NMRK1: variants seen among roughly 807,000 people sequenced by gnomAD.
NMRK1 encodes the protein nicotinamide riboside kinase 1.
In NMRK1, 28 loss-of-function variants were observed where a neutral mutation model predicts 29.9. That is an observed-to-expected ratio of 0.94 (90% confidence interval 0.69 to 1.28). The LOEUF is 1.28. Among genes scored for constraint, NMRK1 ranks in the 50% most tolerant of loss-of-function variants. NMRK1 has a pLI of 0.00. For missense variants in NMRK1, 218 were observed against 233.1 expected, an observed-to-expected ratio of 0.94 and a Z score of 0.42; for synonymous variants, 58 against 73.0, an observed-to-expected ratio of 0.79 and a Z score of 1.05.
At chr9:75,079,403 G>A (rs1283843961) in intron 2 of NMRK1, among the ~76,000 whole-genome samples, 1 of 152,222 alleles carries the variant, frequency 6.6e-6, no homozygotes, top group African/African-American at 2.4e-5. Flanking sequence ...GTGAACAGGG[G>A]TGACTTTATT....
At chr9:75,078,704 C>T in intron 2 of NMRK1, 1 of 304,292 alleles carries the variant, frequency 3.3e-6, no homozygotes, top group Non-Finnish European at 5.3e-6. Context: ...GATATAAGTA[C>T]CTCTGACATT....
intron 4 of NMRK1, among the ~76,000 whole-genome samples, chr9:75,075,332 C>G (rs1245406540): frequency 7.5e-6 from 1 of 133,320 alleles, no homozygotes; most frequent in Non-Finnish European, 1.6e-5. Flanking sequence ...TCTCACTAAC[C>G]TCTGGACGAG....
intron 8 of NMRK1, among the ~76,000 whole-genome samples, chr9:75,065,453 G>A (rs1014735131): frequency 3.3e-5 from 5 of 152,136 alleles, no homozygotes; most frequent in South Asian, 2.1e-4. Flanking sequence ...ACAGATGTGA[G>A]CCACTGTGCT....
In NMRK1 at chr9:75,061,136, A is replaced by G. The variant is rs192604191; in HGVS notation, c.*412T>C. The stretch of plus-strand genomic sequence containing the variant: ...CTTGTGATACTTGATGTATGTATGT[A>G]TCACACACACACATACACACCTACA... On this transcript the variant is annotated 3_prime_UTR_variant, in exon 9 of 9. Transcript: ENST00000361092. The G allele has an allele frequency of 1.2e-5, 2 of 172,218 alleles. No homozygotes were observed. The highest frequency in any genetic ancestry group is 3.2e-4 in the East Asian group (2 of 6,280). The allele number at this position is 172,218 out of a possible 1,614,324, so 10.7% of individuals were successfully genotyped here.
chr9:75,070,608 T>C (rs909405135), intron 4 of NMRK1, among the ~76,000 whole-genome samples: 3 of 152,236 alleles, frequency 2.0e-5, no homozygotes, highest in Non-Finnish European at 2.9e-5. Flanking sequence ...AAGTAGCCTA[T>C]AGCTTTTAAA....
In NMRK1 at chr9:75,081,658, T is replaced by A. The variant is rs547570659; in HGVS notation, c.29+1429A>T. On this transcript the variant is annotated intron_variant, in intron 2 of 8. Coordinates refer to ENST00000361092, the MANE Select transcript of NMRK1 (RefSeq NM_017881.3). ...GGACTTTGTAGTTGCCTCTCCAGGT[T>A]CCATGTCTGTTTTCTAGGTCCGGTT... Among the ~76,000 whole-genome samples the A allele has an allele frequency of 2.6e-5, 4 of 152,276 alleles. 1 individual carries two copies. The highest frequency in any genetic ancestry group is 1.3e-4 in the Admixed American group (2 of 15,296).
intron 8 of NMRK1, among the ~76,000 whole-genome samples, chr9:75,062,036 C>T (rs1184375312): frequency 6.6e-6 from 1 of 152,162 alleles, no homozygotes; most frequent in Non-Finnish European, 1.5e-5. Flanking sequence ...TGTTGCAAAG[C>T]ACACATTTTT....
Position 75,083,134 on chromosome 9 carries a change from C to G in NMRK1, c.-19G>C. ...TTTTCATAATTAGCTTTGAAAATCACAGCTTCCTAATATTTCCTAAAAGTA... is the reference window on the plus strand; with the variant it reads ...TTTTCATAATTAGCTTTGAAAATCAGAGCTTCCTAATATTTCCTAAAAGTA... On this transcript the variant is annotated 5_prime_UTR_variant, in exon 2 of 9. Coordinates refer to ENST00000361092, the MANE Select transcript of NMRK1 (RefSeq NM_017881.3). 1 of 1,551,324 alleles carries G rather than the reference C, an allele frequency of 6.4e-7. No homozygotes were observed.
Position 75,070,028 on chromosome 9 carries a change from TAAGTGCTTC to T in NMRK1, c.175_183del (p.Glu59_Leu61del), listed in dbSNP as rs751389861. 1.2e-6 allele frequency: 2 copies of T among 1,611,982 alleles called. No homozygotes were observed. The highest frequency in any genetic ancestry group is 2.7e-5 in the African/African-American group (2 of 74,808). ...ATGGCTGACATCATTTTTTCCATGT[TAAGTGCTTC>T]AAGCACTTCAAACAAACACACAAAA... On this transcript the variant is annotated inframe_deletion, in exon 5 of 9. Transcript: ENST00000361092.
chr9:75,078,470 C>T, intron 2 of NMRK1: 1 of 1,484,368 alleles, frequency 6.7e-7, no homozygotes. Context: ...AGAAGGGGCA[C>T]TGAGTTACTC....
rs113787011 is a variant in NMRK1 at position 75,069,788 on chromosome 9, T to C, written c.343A>G (p.Ser115Gly). 1 of 1,612,702 alleles carries C rather than the reference T, an allele frequency of 6.2e-7. No individual in the cohort carries two copies. The highest frequency in any genetic ancestry group is 1.7e-5 in the Admixed American group (1 of 59,812). Residue 115 changes from serine (S) to glycine (G), a missense_variant, in exon 6 of 9, where the codon AGC becomes GGC. Coordinates refer to ENST00000361092, the MANE Select transcript of NMRK1 (RefSeq NM_017881.3). The part of the protein sequence containing the change: ...YKPLDTIWNR[S>G]YFLTIPYEEC... The stretch of plus-strand genomic sequence containing the variant: ...TCATATGGAATAGTCAGGAAATAGC[T>C]TCTATTCCATATAGTGTCAAGGGGC...
chr9:75,069,953 C>A lies in NMRK1; in HGVS notation c.259G>T (p.Glu87Ter). Residue 87 changes from glutamate to a stop codon, truncating the protein, a stop_gained, in exon 5 of 9, where the codon GAA (glutamate) becomes TAA (stop). Coordinates refer to ENST00000361092, the MANE Select transcript of NMRK1 (RefSeq NM_017881.3). LOFTEE classifies it high-confidence loss of function. ...AAAATGGGAATTTCCTCAGCACTTT[C>A]CTGGTCTGTTGATACCACAGAGTGT... ...ARHSVVSTDQ[E>*]SAEEIPILII... 6.2e-7 allele frequency: 1 copy of A among 1,614,012 alleles called. No individual in the cohort carries two copies. The highest frequency in any genetic ancestry group is 2.2e-5 in the East Asian group (1 of 44,868).
chr9:75,078,365 A>G (rs1232168406), intron 2 of NMRK1: 1 of 1,572,360 alleles, frequency 6.4e-7, no homozygotes, highest in East Asian at 2.3e-5. Context: ...CCTTTTCCCC[A>G]TCTCTCTCCA....
intron 6 of NMRK1, chr9:75,069,377 T>C (rs946027271): frequency 4.2e-6 from 2 of 478,104 alleles, no homozygotes; most frequent in Non-Finnish European, 7.4e-6. Context: ...AGACAAATAG[T>C]GTAAATAACA....
intron 8 of NMRK1, among the ~76,000 whole-genome samples, chr9:75,064,054 AGGGGCG>A (rs1476012584): frequency 1.3e-5 from 2 of 152,038 alleles, no homozygotes; most frequent in Non-Finnish European, 1.5e-5. Context: ...GGAAGGAAGG[AGGGGCG>A]TCACAACACA....
chr9:75,064,177 A>T (rs184126206), intron 8 of NMRK1, among the ~76,000 whole-genome samples: 20 of 152,302 alleles, frequency 1.3e-4, no homozygotes, highest in Admixed American at 1.3e-3. Flanking sequence ...AGCTGGTTGC[A>T]ATTTACCTGA....
rs577265715 is a variant in NMRK1 at position 75,066,613 on chromosome 9, G to T, written c.580+144C>A. On this transcript the variant is annotated intron_variant, in intron 8 of 8. Transcript: ENST00000361092. ...CTCCAAACCCCCCCCCAGAATTTCT[G>T]ATTCTGAATTATCCTCAAAGCAAAG... 5.9e-6 allele frequency: 4 copies of T among 677,572 alleles called. No individual in the cohort carries two copies. The East Asian group carries it at 8.0e-5, about 14-fold the overall frequency. The allele number at this position is 677,572 out of a possible 1,614,324, so 42.0% of individuals were successfully genotyped here.
intron 8 of NMRK1, chr9:75,066,254 AGGCAG>A: frequency 3.9e-6 from 2 of 518,722 alleles, no homozygotes; most frequent in Non-Finnish European, 7.7e-6. Context: ...AGCCATATTT[AGGCAG>A]ATCCCTGTCA....
intron 2 of NMRK1, among the ~76,000 whole-genome samples, chr9:75,082,106 A>G (rs1291890604): frequency 6.6e-6 from 1 of 152,234 alleles, no homozygotes; most frequent in Non-Finnish European, 1.5e-5. Context: ...GGAACCACTG[A>G]ATATCATTCA....
Sources: allele counts gnomAD v4.1 joint callset (sites outside exome capture counted in the v4.1 genomes callset), GRCh38; gene constraint gnomAD v4.1.1; transcripts MANE v1.5; gene names NCBI Gene and HGNC (gene_info 2026-07-23, HGNC 2026-07-21).